The following LYRM4 variants were observed in gnomAD, a reference collection of about 807,000 sequenced individuals.
LYRM4 encodes LYR motif containing 4.
A neutral mutation model predicts 11.7 loss-of-function variants in LYRM4; 9 were observed. The ratio of observed to expected loss-of-function variants is 0.77; its 90% CI spans 0.46 to 1.34. The LOEUF (loss-of-function observed/expected upper bound fraction) is 1.34, where lower values mean the gene tolerates loss of function less well. Among genes scored for constraint, LYRM4 ranks in the 40% most tolerant of loss-of-function variants. LYRM4 has a pLI of 0.00. For missense variants in LYRM4, 133 were observed against 112.5 expected, an observed-to-expected ratio of 1.18 and a Z score of -0.82; for synonymous variants, 42 against 40.4, an observed-to-expected ratio of 1.04 and a Z score of -0.15.
chr6:5,260,579 C>T, intron 1 of LYRM4, 69 bp downstream of exon 1: 1 of 1,267,900 alleles, frequency 7.9e-7, no homozygotes, highest in Non-Finnish European at 1.1e-6. Flanking sequence ...GGATATTCCG[C>T]GTCAGCCCGC....
At chr6:5,125,476 G>C (rs9504333) in intron 2 of LYRM4, among the ~76,000 whole-genome samples, 1 of 152,090 alleles carries the variant, frequency 6.6e-6, no homozygotes, top group Admixed American at 6.6e-5. Flanking sequence ...CCAGTGCCTC[G>C]CGTGGTGCCT....
intron 2 of LYRM4, among the ~76,000 whole-genome samples, chr6:5,201,286 G>T (rs1295072171): frequency 1.3e-5 from 2 of 152,006 alleles, no homozygotes; most frequent in Non-Finnish European, 2.9e-5. Context: ...GGCAAACCTT[G>T]GCACTGCTTG....
the LYRM4 span, among the ~76,000 whole-genome samples, chr6:5,037,924 C>G: frequency 0.51 from 23,885 of 46,518 alleles, 10,672 homozygotes; most frequent in Middle Eastern, 0.88. Flanking sequence ...CGGACGGGGC[C>G]GCTGGCCGGG....
chr6:5,149,120 T>C (rs1225337785), intron 2 of LYRM4, among the ~76,000 whole-genome samples: 2 of 152,254 alleles, frequency 1.3e-5, no homozygotes, highest in Non-Finnish European at 2.9e-5. Flanking sequence ...GCAGGTACAG[T>C]TCTGAGTGTT....
At chr6:5,073,910 G>C in the LYRM4 span, among the ~76,000 whole-genome samples, 3 of 152,152 alleles carry the variant, frequency 2.0e-5, no homozygotes, top group Non-Finnish European at 4.4e-5. Flanking sequence ...TTCTGCGACT[G>C]GCTGGCCTTA....
At chr6:5,042,189 C>T in the LYRM4 span, among the ~76,000 whole-genome samples, 3 of 152,018 alleles carry the variant, frequency 2.0e-5, no homozygotes, top group African/African-American at 7.3e-5. Context: ...CTATTGGCCT[C>T]CTTGGCCCTA....
chr6:5,202,968 C>T (rs1300332663), intron 2 of LYRM4, among the ~76,000 whole-genome samples: 4 of 151,966 alleles, frequency 2.6e-5, no homozygotes, highest in Non-Finnish European at 4.4e-5. Flanking sequence ...AGAGGACAGC[C>T]CTAGTCTCCA....
chr6:5,138,450 T>C (rs1561821661), intron 2 of LYRM4, among the ~76,000 whole-genome samples: 3 of 125,136 alleles, frequency 2.4e-5, no homozygotes, highest in Non-Finnish European at 4.7e-5. Context: ...ATGCCAACTG[T>C]ACTTCAGCCT....
chr6:5,082,318 G>A, the LYRM4 span, among the ~76,000 whole-genome samples: 1 of 152,154 alleles, frequency 6.6e-6, no homozygotes, highest in Admixed American at 6.5e-5. Context: ...TTGGAGAACT[G>A]GTGTTAGACA....
At chr6:5,177,015 C>G (rs2127672975) in intron 2 of LYRM4, among the ~76,000 whole-genome samples, 1 of 152,270 alleles carries the variant, frequency 6.6e-6, no homozygotes, top group South Asian at 2.1e-4. Context: ...TTGAAAATAT[C>G]TCAATAGATC....
chr6:5,061,902 T>A, the LYRM4 span, among the ~76,000 whole-genome samples: 1 of 152,164 alleles, frequency 6.6e-6, no homozygotes, highest in African/African-American at 2.4e-5. Flanking sequence ...TCTCTAGCAA[T>A]GGAGGTCTTT....
chr6:5,072,385 C>G, the LYRM4 span, among the ~76,000 whole-genome samples: 1 of 152,120 alleles, frequency 6.6e-6, no homozygotes, highest in Non-Finnish European at 1.5e-5. Flanking sequence ...GCTTCTAGGT[C>G]TCTGAGGAAT....
chr6:5,087,788 G>C, the LYRM4 span: 1 of 152,400 alleles, frequency 6.6e-6, no homozygotes, highest in Non-Finnish European at 1.5e-5. Context: ...GCTGGCTGTG[G>C]ATGCCAGGAT....
chr6:5,113,489 C>T, intron 2 of LYRM4: 1 of 319,064 alleles, frequency 3.1e-6, no homozygotes, highest in East Asian at 1.2e-4. Context: ...TATAGACGGG[C>T]AGCCAGAGGA....
intron 2 of LYRM4, among the ~76,000 whole-genome samples, chr6:5,154,176 C>CA (rs1581392361): frequency 1.3e-5 from 2 of 152,154 alleles, no homozygotes; most frequent in African/African-American, 4.8e-5. Flanking sequence ...CTCCCCACCC[C>CA]ATCAAGTAAT....
At chr6:5,213,117 C>T (rs79461571) in intron 2 of LYRM4, among the ~76,000 whole-genome samples, 1,810 of 152,224 alleles carry the variant, frequency 0.012, 31 homozygotes, top group African/African-American at 0.04. Context: ...TTAAGACTAT[C>T]CTTCAGTTTC....
At chr6:5,152,514 A>G (rs549209011) in intron 2 of LYRM4, among the ~76,000 whole-genome samples, 2 of 152,240 alleles carry the variant, frequency 1.3e-5, no homozygotes, top group African/African-American at 4.8e-5. Flanking sequence ...TTCTTTGGTG[A>G]AAATGTCCAG....
intron 2 of LYRM4, among the ~76,000 whole-genome samples, chr6:5,206,787 C>T (rs1761722416): frequency 6.6e-6 from 1 of 152,060 alleles, no homozygotes; most frequent in Admixed American, 6.5e-5. Context: ...TAATTCCACA[C>T]TAGCATTATT....
At chr6:5,190,489 G>A (rs184923992) in intron 2 of LYRM4, among the ~76,000 whole-genome samples, 5 of 152,090 alleles carry the variant, frequency 3.3e-5, no homozygotes, top group South Asian at 2.1e-4. Context: ...TCATTTCCCC[G>A]TAATATACAC....
Sources: gnomAD v4.1 joint callset for allele counts (sites outside exome capture counted in the v4.1 genomes callset) on GRCh38, gnomAD v4.1.1 for gene constraint, MANE v1.5 for transcripts, NCBI Gene and HGNC (gene_info 2026-07-23, HGNC 2026-07-21) for gene names.